SPATA6L: variants seen among roughly 807,000 people sequenced by gnomAD.
SPATA6L encodes the protein spermatogenesis associated 6-like protein.
Under a neutral mutation model 49.2 loss-of-function variants are expected in SPATA6L, and 68 were observed. That is an observed-to-expected ratio of 1.38 (90% CI 1.14 to 1.69). SPATA6L has a LOEUF of 1.69. SPATA6L is among the 40% of genes most tolerant of loss of function. The pLI is 0.00. For synonymous variants in SPATA6L, 198 were observed against 165.7 expected (o/e 1.19, Z -1.50); for missense variants, 668 against 464.3 (o/e 1.44, Z -4.03).
chr9:4,608,042 C>A (rs1825746730), intron 9 of SPATA6L, among the ~76,000 whole-genome samples: 1 of 148,246 alleles, frequency 6.7e-6, no homozygotes, highest in South Asian at 2.2e-4. Flanking sequence ...TCAAAAGAGA[C>A]AAAGAAGGCC....
chr9:4,597,749 C>T (rs770152922), downstream of SPATA6L, among the ~76,000 whole-genome samples: 9 of 152,166 alleles, frequency 5.9e-5, no homozygotes, highest in Non-Finnish European at 1.2e-4. Flanking sequence ...TCCCTAAGAC[C>T]TGCAGGTCCG....
intron 5 of SPATA6L, chr9:4,626,315 T>A: frequency 8.5e-7 from 1 of 1,177,208 alleles, no homozygotes; most frequent in South Asian, 1.6e-5. Context: ...CAGAGCCCCC[T>A]GTTCAGATTT....
At chr9:4,621,211 C>T (rs892828213) in intron 7 of SPATA6L, among the ~76,000 whole-genome samples, 1 of 152,166 alleles carries the variant, frequency 6.6e-6, no homozygotes, top group Non-Finnish European at 1.5e-5. Context: ...TGATCTTCAC[C>T]GACATGACCT....
At chr9:4,632,018 C>G (rs184263325) in intron 4 of SPATA6L, among the ~76,000 whole-genome samples, 1 of 148,948 alleles carries the variant, frequency 6.7e-6, no homozygotes, top group Non-Finnish European at 1.5e-5. Context: ...AGTGAGCACA[C>G]AGTGAACATC....
chr9:4,647,603 A>G (rs1435899137), intron 3 of SPATA6L, among the ~76,000 whole-genome samples: 1 of 152,118 alleles, frequency 6.6e-6, no homozygotes, highest in East Asian at 1.9e-4. Flanking sequence ...AACAAAACAA[A>G]CAAACAAAAA....
chr9:4,658,204 G>T (rs570295745), intron 2 of SPATA6L, among the ~76,000 whole-genome samples: 48 of 152,258 alleles, frequency 3.2e-4, no homozygotes, highest in African/African-American at 1.0e-3. Flanking sequence ...AGCAGCTCTA[G>T]GAAACTAATA....
At chr9:4,644,374 T>A (rs545557284) in intron 3 of SPATA6L, among the ~76,000 whole-genome samples, 21 of 150,724 alleles carry the variant, frequency 1.4e-4, no homozygotes, top group African/African-American at 4.4e-4. Context: ...AAATTAAATT[T>A]AAAAAATTTA....
intron 9 of SPATA6L, among the ~76,000 whole-genome samples, chr9:4,609,120 C>T (rs1587000510): frequency 6.6e-6 from 1 of 151,426 alleles, no homozygotes. Flanking sequence ...TCTGAATAGA[C>T]CAATAACAGG....
rs755027625 is a variant in SPATA6L, at chr9:4,618,865, T to C, written c.806A>G (p.Lys269Arg). 3.1e-6 allele frequency: 5 copies of C among 1,612,412 alleles called. No homozygotes were observed. The highest frequency in any genetic ancestry group is 4.2e-6 in the Non-Finnish European group (5 of 1,178,940). ...SSLDSLAANV[K>R]VIKEPDERIV... ...TACAAATTCTACTTCTAAAATTACC[T>C]TTACGTTAGCTGCAAGGCTGTCAAG... The change falls in exon 8 of 12, where the codon AAG becomes AGG. Residue 269 changes from lysine to arginine, a missense_variant and splice_region_variant. Physicochemically the swap from Lys to Arg is conservative, Grantham distance 26. Coordinates refer to ENST00000682582, the MANE Select transcript of SPATA6L (RefSeq NM_001353486.2).
intron 1 of SPATA6L, among the ~76,000 whole-genome samples, chr9:4,665,964 T>C (rs928970466): frequency 6.6e-6 from 1 of 151,158 alleles, no homozygotes; most frequent in Admixed American, 6.6e-5. Flanking sequence ...TAAAAATTCA[T>C]GATAAAGATA....
chr9:4,595,700 C>A (rs1294763100), downstream of SPATA6L, among the ~76,000 whole-genome samples: 1 of 152,134 alleles, frequency 6.6e-6, no homozygotes, highest in Non-Finnish European at 1.5e-5. Context: ...ACACCAATAC[C>A]CCACTGTTTC....
intron 3 of SPATA6L, among the ~76,000 whole-genome samples, chr9:4,639,485 A>G (rs1833569386): frequency 6.6e-6 from 1 of 152,260 alleles, no homozygotes; most frequent in African/African-American, 2.4e-5. Context: ...ACAAATAAAT[A>G]GAAGGCTATG....
chr9:4,635,133 G>A (rs1313423499), intron 4 of SPATA6L, 142 bp downstream of exon 4: 1 of 769,650 alleles, frequency 1.3e-6, no homozygotes, highest in African/African-American at 1.8e-5. Flanking sequence ...TTGGTACCTT[G>A]AGTTGGGCAT....
At position 4,662,895 on chromosome 9, in the gene SPATA6L, C is replaced by T; in HGVS notation, c.40-859G>A. Reference sequence around the variant, plus strand: ...GCTGATGAACCTGCTCTTCGCCCTGCTGTTGGACCTGCTGCTGGTGGCCTT... The same window carrying T: ...GCTGATGAACCTGCTCTTCGCCCTGTTGTTGGACCTGCTGCTGGTGGCCTT... On this transcript the variant is annotated intron_variant, in intron 1 of 11. Transcript: ENST00000682582. The surrounding 1 kb of genome is among the most constrained non-coding windows in gnomAD (Gnocchi z 4.9). 6.2e-7 allele frequency: 1 copy of T among 1,608,182 alleles called. No homozygotes were observed. Among genetic ancestry groups the T allele is most frequent in the Non-Finnish European group, 8.5e-7 (1 of 1,179,976 alleles).
intron 3 of SPATA6L, chr9:4,646,583 A>G: frequency 1.8e-6 from 2 of 1,103,282 alleles, no homozygotes; most frequent in Non-Finnish European, 2.5e-6. Flanking sequence ...CAGTCTTTCA[A>G]TAATTATTAA....
At chr9:4,614,825 G>C (rs1827585828) in intron 9 of SPATA6L, among the ~76,000 whole-genome samples, 2 of 152,162 alleles carry the variant, frequency 1.3e-5, no homozygotes, top group Non-Finnish European at 2.9e-5. Context: ...CCAGTTTAGA[G>C]AGACTTTGGG....
chr9:4,646,250 A>G, intron 3 of SPATA6L: 1 of 335,094 alleles, frequency 3.0e-6, no homozygotes, highest in Non-Finnish European at 5.3e-6. Flanking sequence ...ATGGAAAGAC[A>G]AGGAGTCTGT....
At chr9:4,661,124 G>A (rs188157188) in intron 2 of SPATA6L, among the ~76,000 whole-genome samples, 14 of 152,216 alleles carry the variant, frequency 9.2e-5, no homozygotes, top group African/African-American at 3.4e-4. Context: ...ATGTACCCTA[G>A]AACTTAAAGT....
intron 1 of SPATA6L, chr9:4,664,948 C>T (rs1840648839): frequency 6.0e-6 from 1 of 167,062 alleles, no homozygotes; most frequent in Admixed American, 6.5e-5. Context: ...TTAACCTTAG[C>T]GAGATCCTTT....
Sources: gnomAD v4.1 joint callset for allele counts (sites outside exome capture counted in the v4.1 genomes callset) on GRCh38, gnomAD v4.1.1 for gene constraint, Gnocchi (gnomAD v3.1) non-coding constraint, MANE v1.5 for transcripts, NCBI Gene and HGNC (gene_info 2026-07-23, HGNC 2026-07-21) for gene names.